The following SLC20A2 variants were observed in gnomAD, a reference collection of about 807,000 sequenced individuals.
SLC20A2 encodes the protein solute carrier family 20 member 2.
In SLC20A2, 30 loss-of-function variants were observed where a neutral mutation model predicts 61.0. That is an observed-to-expected ratio of 0.49 (90% CI 0.37 to 0.67). The LOEUF (loss-of-function observed/expected upper bound fraction) is 0.67. SLC20A2 is among the 30% of genes least tolerant of loss of function. SLC20A2 has a pLI of 0.00. For synonymous variants in SLC20A2, 351 were observed against 353.3 expected (o/e 0.99, Z 0.07); for missense variants, 626 against 866.4 (o/e 0.72, Z 3.48).
chr8:42,464,751 T>C (rs765630888), intron 3 of SLC20A2, among the ~76,000 whole-genome samples: 2 of 152,038 alleles, frequency 1.3e-5, no homozygotes, highest in East Asian at 1.9e-4. Flanking sequence ...GGCAGGTGGA[T>C]TGACTGAGCT....
At chr8:42,467,058 AT>A (rs1668324846) in intron 2 of SLC20A2, among the ~76,000 whole-genome samples, 1 of 151,738 alleles carries the variant, frequency 6.6e-6, no homozygotes, top group South Asian at 2.1e-4. Flanking sequence ...TTTTCCCACC[AT>A]GGCCTCCCAA....
chr8:42,484,286 G>C (rs1808775090), intron 1 of SLC20A2, among the ~76,000 whole-genome samples: 1 of 152,206 alleles, frequency 6.6e-6, no homozygotes, highest in Non-Finnish European at 1.5e-5. Context: ...TAAATTGGCA[G>C]TATAAACACA....
intron 10 of SLC20A2, among the ~76,000 whole-genome samples, chr8:42,427,291 G>A (rs1432270857): frequency 6.6e-6 from 1 of 152,268 alleles, no homozygotes; most frequent in Non-Finnish European, 1.5e-5. Flanking sequence ...GCTTGCCCCA[G>A]GCACCTTGGC....
chr8:42,448,511 A>T (rs1302401753), intron 5 of SLC20A2, among the ~76,000 whole-genome samples: 1 of 152,154 alleles, frequency 6.6e-6, no homozygotes, highest in African/African-American at 2.4e-5. Flanking sequence ...GGTGAACCTG[A>T]GGTCGGGGGC....
intron 10 of SLC20A2, among the ~76,000 whole-genome samples, chr8:42,419,008 CA>C (rs778981433): frequency 0.028 from 1,813 of 64,200 alleles, 7 homozygotes; most frequent in South Asian, 0.14. Context: ...GACTCTGTCT[CA>C]AAAAAAAAAA....
At chr8:42,498,712 C>T (rs1810120361) in intron 1 of SLC20A2, among the ~76,000 whole-genome samples, 1 of 152,208 alleles carries the variant, frequency 6.6e-6, no homozygotes, top group South Asian at 2.1e-4. Flanking sequence ...GCTCCTTCCA[C>T]TTTAGATGAA....
At chr8:42,434,860 G>A (rs1434133347) in intron 8 of SLC20A2, among the ~76,000 whole-genome samples, 1 of 152,206 alleles carries the variant, frequency 6.6e-6, no homozygotes, top group Non-Finnish European at 1.5e-5. Flanking sequence ...AACATGGTGT[G>A]TGTGTGAATG....
chr8:42,445,594 A>G lies in SLC20A2; in HGVS notation c.614-832T>C, dbSNP rs555277402. On this transcript the variant is annotated intron_variant, in intron 5 of 10. Transcript: ENST00000520262. Reference sequence around the variant, plus strand: ...TACAAAAACTTAGCCAGGCGCGGTGACAGGCGCCTGTAATCACAGCTACTC... The same window carrying G: ...TACAAAAACTTAGCCAGGCGCGGTGGCAGGCGCCTGTAATCACAGCTACTC... Among the ~76,000 whole-genome samples, 463 of 152,024 alleles carry G rather than the reference A, an allele frequency of 3.0e-3. 2 individuals carry two copies. The highest frequency in any genetic ancestry group is 5.4e-3 in the Non-Finnish European group (364 of 67,936).
chr8:42,489,061 T>C lies in SLC20A2; in HGVS notation c.-265+11970A>G, dbSNP rs183782514. On this transcript the variant is annotated intron_variant, in intron 1 of 10. Transcript: ENST00000520262. ...TTCAAGCGATTCTCCTGCCTCAGCC[T>C]CCCGAGCAGCTGGGATTACAGATGC... Among the ~76,000 whole-genome samples, 532 of 147,396 alleles carry C rather than the reference T, an allele frequency of 3.6e-3. 4 individuals are homozygous for C. The highest frequency in any genetic ancestry group is 0.014 in the Middle Eastern group (4 of 280).
At chr8:42,465,249 G>A (rs191317234) in intron 3 of SLC20A2, among the ~76,000 whole-genome samples, 2 of 151,646 alleles carry the variant, frequency 1.3e-5, no homozygotes, top group African/African-American at 2.4e-5. Flanking sequence ...TAGAGATGGG[G>A]TTGAACCATG....
chr8:42,495,562 G>GT (rs984342066), intron 1 of SLC20A2, among the ~76,000 whole-genome samples: 6 of 145,228 alleles, frequency 4.1e-5, no homozygotes, highest in African/African-American at 1.7e-4. Flanking sequence ...TGAGAGGTCA[G>GT]TTTTTTGAAA....
At chr8:42,482,736 CTG>C (rs35406996) in intron 1 of SLC20A2, among the ~76,000 whole-genome samples, 44,489 of 151,724 alleles carry the variant, frequency 0.29, 7,343 homozygotes, top group Admixed American at 0.41. Context: ...AAAAACAAAA[CTG>C]TATTTGGCTG....
At chr8:42,513,789 G>C (rs1235807312) in intron 1 of SLC20A2, among the ~76,000 whole-genome samples, 1 of 152,142 alleles carries the variant, frequency 6.6e-6, no homozygotes, top group Non-Finnish European at 1.5e-5. Flanking sequence ...ATCCTGTAAC[G>C]GAAGTAAGGG....
rs144902438 is a variant in SLC20A2 at position 42,525,760 on chromosome 8, C to A, written c.-265+16061G>T. Among the ~76,000 whole-genome samples the A allele has an allele frequency of 9.3e-4, 141 of 152,066 alleles. 2 individuals carry two copies. The East Asian group carries it at 0.021, about 22-fold the overall frequency. On this transcript the variant is annotated intron_variant, in intron 1 of 10. Transcript: ENST00000342228. The stretch of plus-strand genomic sequence containing the variant: ...TAAATTATAGTAGAGTACATTCTTA[C>A]AATGGAATACCATGCAGATATTTAA...
At chr8:42,473,436 C>T (rs1292941889) in intron 1 of SLC20A2, among the ~76,000 whole-genome samples, 3 of 152,184 alleles carry the variant, frequency 2.0e-5, no homozygotes, top group Admixed American at 1.3e-4. Context: ...AGACCAGGCA[C>T]ACTCTCACCT....
At chr8:42,428,610 G>T in intron 10 of SLC20A2, 148 bp downstream of exon 10, 1 of 603,056 alleles carries the variant, frequency 1.7e-6, no homozygotes, top group Non-Finnish European at 2.8e-6. Flanking sequence ...ACAGATGGAG[G>T]AATACAAGGT....
At chr8:42,505,786 G>C (rs1327084770), upstream of SLC20A2, among the ~76,000 whole-genome samples, 1 of 151,862 alleles carries the variant, frequency 6.6e-6, no homozygotes, top group African/African-American at 2.4e-5. Context: ...AGCTACTTGG[G>C]AGGCTGAGGC....
intron 10 of SLC20A2, among the ~76,000 whole-genome samples, chr8:42,422,337 G>C (rs1803104316): frequency 6.6e-6 from 1 of 152,206 alleles, no homozygotes. Context: ...ACAGGCACGA[G>C]CCACCATGCC....
intron 1 of SLC20A2, among the ~76,000 whole-genome samples, chr8:42,507,406 C>T (rs538684926): frequency 1.3e-5 from 2 of 151,288 alleles, no homozygotes; most frequent in East Asian, 3.9e-4. Context: ...GCAAACTCTT[C>T]AAGACAGTTC....
Sources: gnomAD v4.1 joint callset for allele counts (sites outside exome capture counted in the v4.1 genomes callset) on GRCh38, gnomAD v4.1.1 for gene constraint, MANE v1.5 for transcripts, NCBI Gene and HGNC (gene_info 2026-07-23, HGNC 2026-07-21) for gene names.